Variants in PARD3 observed in about 807,000 individuals in gnomAD.
PARD3 encodes partitioning defective 3 homolog.
A neutral mutation model predicts 155.4 loss-of-function variants in PARD3; 75 were observed. The observed-to-expected ratio is 0.48, with a 90% confidence interval of 0.40 to 0.58. PARD3 has a LOEUF of 0.58. PARD3 is among the 20% of genes least tolerant of loss of function. The pLI, the probability that PARD3 is intolerant of heterozygous loss-of-function variation, is 0.00. For missense variants in PARD3, 1,642 were observed against 1,721.7 expected (o/e 0.95, Z 0.82); for synonymous variants, 576 against 610.5 (o/e 0.94, Z 0.83).
chr10:34,405,075 CACAA>C (rs143994329), intron 5 of PARD3, among the ~76,000 whole-genome samples: 2,040 of 34,106 alleles, frequency 0.06, 54 homozygotes, highest in African/African-American at 0.29. Flanking sequence ...CCATCACAAA[CACAA>C]ACACACACAC....
intron 2 of PARD3, among the ~76,000 whole-genome samples, chr10:34,546,142 CTATT>C (rs770400774): frequency 2.6e-5 from 4 of 152,070 alleles, no homozygotes; most frequent in Non-Finnish European, 4.4e-5. Context: ...CATATAGTAA[CTATT>C]AATATTTTTT....
intron 22 of PARD3, among the ~76,000 whole-genome samples, chr10:34,222,807 G>A (rs1398035192): frequency 1.3e-5 from 2 of 152,176 alleles, no homozygotes; most frequent in Non-Finnish European, 2.9e-5. Flanking sequence ...AGCACGATAA[G>A]TCCAAGAAAG....
At chr10:34,491,105 G>C (rs2079874073) in intron 3 of PARD3, among the ~76,000 whole-genome samples, 1 of 152,294 alleles carries the variant, frequency 6.6e-6, no homozygotes, top group Admixed American at 6.5e-5. Flanking sequence ...GTCCCCAGAC[G>C]ATGGAGTCAC....
At chr10:34,605,524 CTATATATATCTCCTA>C (rs1455148437) in intron 2 of PARD3, among the ~76,000 whole-genome samples, 1 of 40,414 alleles carries the variant, frequency 2.5e-5, no homozygotes, top group Non-Finnish European at 4.2e-5. Flanking sequence ...TATATATCTC[CTATATATATCTCCTA>C]TATATATATA....
intron 2 of PARD3, among the ~76,000 whole-genome samples, chr10:34,668,494 C>A (rs113897965): frequency 1.6e-4 from 24 of 152,212 alleles, no homozygotes; most frequent in African/African-American, 5.1e-4. Context: ...AGTTCAAAAT[C>A]CAGGAAGAGC....
At chr10:34,223,766 G>A (rs1293882970) in intron 22 of PARD3, among the ~76,000 whole-genome samples, 3 of 152,172 alleles carry the variant, frequency 2.0e-5, no homozygotes, top group Non-Finnish European at 1.5e-5. Flanking sequence ...GGTCCACCCA[G>A]CCTCTATATA....
intron 23 of PARD3, among the ~76,000 whole-genome samples, chr10:34,125,071 C>CTTTTTTT (rs71523316): frequency 2.8e-5 from 4 of 140,636 alleles, no homozygotes; most frequent in African/African-American, 1.1e-4. Flanking sequence ...CTATTTCTTT[C>CTTTTTTT]TTTTTTTTTT....
intron 22 of PARD3, among the ~76,000 whole-genome samples, chr10:34,205,873 C>G (rs1951451481): frequency 1.3e-5 from 2 of 152,136 alleles, no homozygotes; most frequent in Admixed American, 1.3e-4. Flanking sequence ...GGATACAGTC[C>G]CCCCATCCCC....
At chr10:34,606,840 G>A (rs545221904) in intron 2 of PARD3, among the ~76,000 whole-genome samples, 3 of 151,422 alleles carry the variant, frequency 2.0e-5, no homozygotes, top group African/African-American at 4.9e-5. Flanking sequence ...GGTGGTGCAC[G>A]CCTGTAGTCC....
At chr10:34,730,610 A>G (rs927155048) in intron 1 of PARD3, among the ~76,000 whole-genome samples, 10 of 152,124 alleles carry the variant, frequency 6.6e-5, no homozygotes, top group Non-Finnish European at 1.5e-4. Context: ...ACGGCAAGCC[A>G]TCGTCTCTAC....
intron 2 of PARD3, among the ~76,000 whole-genome samples, chr10:34,586,448 T>C (rs2088058046): frequency 6.6e-6 from 1 of 152,136 alleles, no homozygotes; most frequent in Non-Finnish European, 1.5e-5. Context: ...GAAATGGAGA[T>C]AGGTCTAAAG....
chr10:34,357,247 A>G (rs1386909312), intron 14 of PARD3, among the ~76,000 whole-genome samples: 1 of 152,192 alleles, frequency 6.6e-6, no homozygotes, highest in Non-Finnish European at 1.5e-5. Context: ...GTCCTCCTGT[A>G]GCATTCAATG....
intron 1 of PARD3, among the ~76,000 whole-genome samples, chr10:34,795,256 G>A (rs898313526): frequency 6.6e-6 from 1 of 152,180 alleles, no homozygotes; most frequent in Non-Finnish European, 1.5e-5. Flanking sequence ...TTGTGGCTTT[G>A]GCAAGATTAA....
At chr10:34,691,011 G>C (rs2094049131) in intron 2 of PARD3, among the ~76,000 whole-genome samples, 3 of 152,144 alleles carry the variant, frequency 2.0e-5, no homozygotes, top group African/African-American at 7.2e-5. Flanking sequence ...CCACGAGTTT[G>C]AGACAAGCCT....
chr10:34,324,307 T>G (rs1490862532), intron 19 of PARD3, among the ~76,000 whole-genome samples: 1 of 152,174 alleles, frequency 6.6e-6, no homozygotes, highest in Admixed American at 6.6e-5. Context: ...CCGCAAAAAT[T>G]TCCTGATGTT....
chr10:34,399,205 T>G (rs1843645821), intron 7 of PARD3, 125 bp downstream of exon 7: 7 of 691,618 alleles, frequency 1.0e-5, no homozygotes, highest in Non-Finnish European at 1.8e-5. Context: ...GAAGGAGCAG[T>G]TGCCTCCAAA....
chr10:34,769,942 G>C (rs1343957044), intron 1 of PARD3, among the ~76,000 whole-genome samples: 1 of 151,958 alleles, frequency 6.6e-6, no homozygotes, highest in African/African-American at 2.4e-5. Context: ...TCAGAATGTG[G>C]GGTTCCCCTT....
chr10:34,378,153 A>C (rs759483929), intron 9 of PARD3, 47 bp from the exon 10 acceptor site: 1 of 1,443,164 alleles, frequency 6.9e-7, no homozygotes, highest in African/African-American at 1.5e-5. Context: ...AGATATCTTG[A>C]ATTTTACAGG....
At chr10:34,166,686 G>A (rs1201843727) in intron 22 of PARD3, among the ~76,000 whole-genome samples, 3 of 151,522 alleles carry the variant, frequency 2.0e-5, no homozygotes, top group East Asian at 1.9e-4. Flanking sequence ...GGGACTGCCC[G>A]ATGCCCCTTC....
Sources: gnomAD v4.1 joint callset for allele counts (sites outside exome capture counted in the v4.1 genomes callset) on GRCh38, gnomAD v4.1.1 for gene constraint, MANE v1.5 for transcripts, NCBI Gene and HGNC (gene_info 2026-07-23, HGNC 2026-07-21) for gene names.